SPATS2: variants seen among roughly 807,000 people sequenced by gnomAD.
The protein encoded by SPATS2 is spermatogenesis-associated serine-rich protein 2.
A neutral mutation model predicts 63.7 loss-of-function variants in SPATS2; 38 were observed. That is an observed-to-expected ratio of 0.60 (90% CI 0.46 to 0.78). The LOEUF (loss-of-function observed/expected upper bound fraction) is 0.78. Among genes scored for constraint, SPATS2 ranks in the 30% least tolerant of loss-of-function variants. The pLI is 0.00. For synonymous variants in SPATS2, 207 were observed against 232.9 expected, an observed-to-expected ratio of 0.89 and a Z score of 1.01; for missense variants, 588 against 666.2, an observed-to-expected ratio of 0.88 and a Z score of 1.29.
At chr12:49,427,133 A>G (rs1945094400) in intron 2 of SPATS2, among the ~76,000 whole-genome samples, 1 of 152,134 alleles carries the variant, frequency 6.6e-6, no homozygotes, top group Non-Finnish European at 1.5e-5. Context: ...TATGGCAAAC[A>G]ATAAAGTTTT....
chr12:49,404,981 T>A (rs1944669207), intron 2 of SPATS2, among the ~76,000 whole-genome samples: 1 of 145,264 alleles, frequency 6.9e-6, no homozygotes, highest in African/African-American at 2.8e-5. Context: ...ACAACCATGC[T>A]CATTTTTTTT....
At chr12:49,515,374 A>G (rs12322561) in intron 10 of SPATS2, among the ~76,000 whole-genome samples, 35,422 of 152,122 alleles carry the variant, frequency 0.23, 7,009 homozygotes, top group African/African-American at 0.55. Context: ...TTATTAGGAA[A>G]GTTGTTTATT....
intron 9 of SPATS2, among the ~76,000 whole-genome samples, chr12:49,509,810 C>CAAAA (rs60064985): frequency 6.4e-4 from 46 of 71,850 alleles, no homozygotes; most frequent in African/African-American, 2.1e-3. Context: ...GAGCAAGTCT[C>CAAAA]AAAAAAAAAA....
intron 2 of SPATS2, chr12:49,390,187 T>C (rs1324741465): frequency 1.3e-5 from 18 of 1,383,312 alleles, no homozygotes; most frequent in African/African-American, 4.3e-5. Flanking sequence ...GTCTGTGAGC[T>C]TCTTACATGG....
chr12:49,367,169 G>T (rs561289334), upstream of SPATS2: 1 of 165,722 alleles, frequency 6.0e-6, no homozygotes, highest in Non-Finnish European at 1.3e-5. Context: ...TCCGGTGCGC[G>T]GGCCGTCTCG....
At position 49,490,684 on chromosome 12, in the gene SPATS2, A is replaced by G. The variant is rs1468551362; in HGVS notation, c.217A>G (p.Ser73Gly). The change falls in exon 6 of 14, where the codon AGT becomes GGT. Residue 73 changes from serine (S) to glycine (G), a missense_variant and splice_region_variant. By Grantham distance (56) the Ser-to-Gly change is moderately conservative. Transcript: ENST00000552918. ...TCTGTAATTGGTTTCTCTTACAGGTAGTGCCAGTGAAGTACTCAAAGAATG... is the reference window on the plus strand; with the variant it reads ...TCTGTAATTGGTTTCTCTTACAGGTGGTGCCAGTGAAGTACTCAAAGAATG... The part of the protein sequence containing the change: ...DKTVQAFMEG[S>G]ASEVLKEWTV... The G allele has an allele frequency of 1.9e-6, 3 of 1,613,832 alleles. No homozygotes were observed. Among genetic ancestry groups the G allele is most frequent in the African/African-American group, 2.7e-5 (2 of 74,922 alleles).
chr12:49,368,382 A>G (rs1161280421), intron 1 of SPATS2, among the ~76,000 whole-genome samples: 1 of 152,200 alleles, frequency 6.6e-6, no homozygotes, highest in East Asian at 1.9e-4. Flanking sequence ...ATGAAGCAGG[A>G]GAGGACAGAT....
At chr12:49,369,849 G>A (rs1438317169) in intron 1 of SPATS2, among the ~76,000 whole-genome samples, 1 of 152,228 alleles carries the variant, frequency 6.6e-6, no homozygotes, top group Non-Finnish European at 1.5e-5. Context: ...CAGTTGTGGA[G>A]CCAAACCAAT....
At chr12:49,488,674 A>G (rs1946335492) in intron 4 of SPATS2, among the ~76,000 whole-genome samples, 1 of 152,176 alleles carries the variant, frequency 6.6e-6, no homozygotes, top group Admixed American at 6.5e-5. Context: ...TAAATAAGAG[A>G]TGCATTTATC....
chr12:49,372,070 C>CGG (rs1944008130), intron 2 of SPATS2, among the ~76,000 whole-genome samples: 1 of 150,486 alleles, frequency 6.6e-6, no homozygotes, highest in South Asian at 2.1e-4. Context: ...TTTTTGGAGA[C>CGG]AGTCTTGTTC....
At chr12:49,388,696 CTTT>C (rs76248274) in intron 2 of SPATS2, among the ~76,000 whole-genome samples, 5 of 136,166 alleles carry the variant, frequency 3.7e-5, no homozygotes, top group Non-Finnish European at 1.6e-5. Context: ...TTTTTTTTTC[CTTT>C]TTTTTTTTTT....
At chr12:49,522,250 T>G (rs76577623) in intron 11 of SPATS2, among the ~76,000 whole-genome samples, 2,244 of 152,286 alleles carry the variant, frequency 0.015, 58 homozygotes, top group African/African-American at 0.051. Context: ...CATGAATGAT[T>G]TTCCATCTCA....
intron 2 of SPATS2, chr12:49,442,371 A>AG (rs1223718092): frequency 6.5e-6 from 1 of 152,860 alleles, no homozygotes; most frequent in Non-Finnish European, 1.5e-5. Flanking sequence ...TTGTGCAAGA[A>AG]GGGAGACTAG....
intron 2 of SPATS2, among the ~76,000 whole-genome samples, chr12:49,444,051 A>G (rs1945469367): frequency 6.6e-6 from 1 of 152,252 alleles, no homozygotes; most frequent in South Asian, 2.1e-4. Context: ...TATTACGCTT[A>G]TAAATTAAAT....
chr12:49,417,298 A>G (rs757427885), intron 2 of SPATS2, among the ~76,000 whole-genome samples: 1 of 152,260 alleles, frequency 6.6e-6, no homozygotes, highest in Non-Finnish European at 1.5e-5. Flanking sequence ...TAAAGAATAT[A>G]TGTGCCTGTT....
At chr12:49,498,132 C>CAAAAAA (rs71439501) in intron 8 of SPATS2, among the ~76,000 whole-genome samples, 5 of 117,350 alleles carry the variant, frequency 4.3e-5, no homozygotes, top group Non-Finnish European at 6.7e-5. Flanking sequence ...CCAATCAAGC[C>CAAAAAA]AAAAAAAAAA....
Position 49,435,689 on chromosome 12 carries a change from C to T in SPATS2, c.-243-25081C>T, listed in dbSNP as rs1366003591. On this transcript the variant is annotated intron_variant, in intron 2 of 13. Transcript: ENST00000552918. ...TAATTGATCATTCTTGGGTGTTTCT[C>T]GCAGAGGGGGATTTGGCAGGGTCAC... Among the ~76,000 whole-genome samples the T allele has an allele frequency of 9.3e-5, 12 of 129,058 alleles. No homozygotes were observed. The East Asian group carries it at 2.6e-3, about 28-fold the overall frequency. The allele number at this position is 129,058 out of a possible 152,430, so 84.7% of individuals were successfully genotyped here.
intron 2 of SPATS2, among the ~76,000 whole-genome samples, chr12:49,408,995 A>C (rs2137344848): frequency 6.6e-6 from 1 of 152,122 alleles, no homozygotes; most frequent in Non-Finnish European, 1.5e-5. Flanking sequence ...AAATGAATGC[A>C]TACAGCTTTC....
At chr12:49,516,032 C>A (rs1043004103) in intron 10 of SPATS2, among the ~76,000 whole-genome samples, 1 of 145,264 alleles carries the variant, frequency 6.9e-6, no homozygotes, top group Non-Finnish European at 1.5e-5. Context: ...CCCAGCTACT[C>A]GGGAGGCTGA....
Sources: gnomAD v4.1 joint callset for allele counts (sites outside exome capture counted in the v4.1 genomes callset) on GRCh38, gnomAD v4.1.1 for gene constraint, MANE v1.5 for transcripts, NCBI Gene and HGNC (gene_info 2026-07-23, HGNC 2026-07-21) for gene names.